Variants in OTUB2 observed in about 807,000 individuals in gnomAD.
OTUB2 encodes OTU deubiquitinase, ubiquitin aldehyde binding 2, also known as ubiquitin thioesterase OTUB2.
Under a neutral mutation model 25.1 loss-of-function variants are expected in OTUB2, and 21 were observed. That is an observed-to-expected ratio of 0.84 (90% CI 0.59 to 1.21). The LOEUF (loss-of-function observed/expected upper bound fraction) is 1.21. Among genes scored for constraint, OTUB2 ranks in the 50% most tolerant of loss-of-function variants. The pLI is 0.00. For missense variants in OTUB2, 283 were observed against 298.0 expected, an observed-to-expected ratio of 0.95 and a Z score of 0.37; for synonymous variants, 122 against 122.8, an observed-to-expected ratio of 0.99 and a Z score of 0.04.
At position 94,031,360 on chromosome 14, in the gene OTUB2, G is replaced by GT. The variant is rs561431880; in HGVS notation, c.3+4821dup. ...CTTCCAGCCCCTGGAGCAGTCCATA[G>GT]TGCTGGGCCCATGGCTGCGGGCTGC... On this transcript the variant is annotated intron_variant, in intron 1 of 5. Coordinates refer to ENST00000203664, the MANE Select transcript of OTUB2 (RefSeq NM_023112.4). 1.1e-3 allele frequency among the ~76,000 whole-genome samples: 173 copies of GT among 152,278 alleles called. 1 individual carries two copies. Among genetic ancestry groups the GT allele is most frequent in the Non-Finnish European group, 2.1e-3 (143 of 68,020 alleles).
intron 4 of OTUB2, 81 bp downstream of exon 4, chr14:94,044,136 G>C: frequency 7.4e-7 from 1 of 1,343,816 alleles, no homozygotes; most frequent in Non-Finnish European, 1.1e-6. Flanking sequence ...ACAGCCCACA[G>C]CTCTGCTCCT....
chr14:94,048,408 G>A lies in OTUB2; in HGVS notation c.*2486G>A, dbSNP rs2141417275. On this transcript the variant is annotated 3_prime_UTR_variant, in exon 6 of 6. Transcript: ENST00000203664. ...GCTTTTGACTGGGTTCCTATTTTAA[G>A]CACAAATGAGAGCTCTGGAGCCAGA... 6.6e-6 allele frequency: 1 copy of A among 152,308 alleles called. No homozygotes were observed. 9.4% of individuals were successfully genotyped at this position (152,308 alleles called of 1,614,324 possible).
intron 1 of OTUB2, among the ~76,000 whole-genome samples, chr14:94,036,004 A>C (rs1428765297): frequency 2.0e-5 from 3 of 152,102 alleles, no homozygotes; most frequent in Non-Finnish European, 2.9e-5. Flanking sequence ...GAAGCAACAA[A>C]AGTCATTTAG....
At chr14:94,041,320 A>G (rs1412791957) in intron 3 of OTUB2, among the ~76,000 whole-genome samples, 1 of 152,114 alleles carries the variant, frequency 6.6e-6, no homozygotes, top group Non-Finnish European at 1.5e-5. Context: ...TCCGGGAGCC[A>G]TAGAGTAGGG....
At chr14:94,030,525 G>A (rs1460467671) in intron 1 of OTUB2, among the ~76,000 whole-genome samples, 1 of 152,010 alleles carries the variant, frequency 6.6e-6, no homozygotes, top group African/African-American at 2.4e-5. Context: ...AGATAAGAGG[G>A]AAGGCCCGGG....
chr14:94,034,588 G>T (rs1411184523), intron 1 of OTUB2, among the ~76,000 whole-genome samples: 2 of 152,250 alleles, frequency 1.3e-5, no homozygotes, highest in Admixed American at 6.5e-5. Context: ...TGAGGATTAA[G>T]TGAGATAATG....
intron 1 of OTUB2, 49 bp downstream of exon 1, chr14:94,026,589 T>TGGGGGGGGGGGGGGGGGGGGGGGGG: frequency 7.4e-6 from 3 of 407,080 alleles, no homozygotes; most frequent in East Asian, 8.8e-5. Flanking sequence ...GGGGGCGCGG[T>TGGGGGGGGGGGGGGGGGGGGGGGGG]GGGCGGGGTC....
In OTUB2 at chr14:94,026,457, G is replaced by T; in HGVS notation, c.-81G>T. 2 of 1,319,978 alleles carry T rather than the reference G, an allele frequency of 1.5e-6. No homozygotes were observed. The highest frequency in any genetic ancestry group is 9.7e-7 in the Non-Finnish European group (1 of 1,032,634). The allele number at this position is 1,319,978 out of a possible 1,614,324, so 81.8% of individuals were successfully genotyped here. ...TCCCCGCCACCGAACCAGCGGCGGA[G>T]CCCGCCCGCGCCTCCCGCGGCATTC... On this transcript the variant is annotated 5_prime_UTR_variant, in exon 1 of 6. Coordinates refer to ENST00000203664, the MANE Select transcript of OTUB2 (RefSeq NM_023112.4).
At chr14:94,028,476 G>C (rs1221596408) in intron 1 of OTUB2, among the ~76,000 whole-genome samples, 1 of 152,224 alleles carries the variant, frequency 6.6e-6, no homozygotes, top group Non-Finnish European at 1.5e-5. Context: ...GGAAGGTAGG[G>C]GTGAGACAAG....
At chr14:94,035,326 G>A (rs554765278) in intron 1 of OTUB2, among the ~76,000 whole-genome samples, 37 of 114,994 alleles carry the variant, frequency 3.2e-4, no homozygotes, top group African/African-American at 1.3e-3. Flanking sequence ...GTCTCGCTCT[G>A]TCACCCAGGC....
At chr14:94,028,636 A>C (rs972702785) in intron 1 of OTUB2, among the ~76,000 whole-genome samples, 3 of 152,364 alleles carry the variant, frequency 2.0e-5, no homozygotes, top group Non-Finnish European at 2.9e-5. Context: ...ACAGGCCCCC[A>C]GTGGGCACCT....
chr14:94,029,635 A>G (rs1884922225), intron 1 of OTUB2, among the ~76,000 whole-genome samples: 1 of 152,252 alleles, frequency 6.6e-6, no homozygotes, highest in Admixed American at 6.5e-5. Context: ...TTTCCAAATA[A>G]GATCCCATTC....
At chr14:94,038,601 G>C (rs1015541435) in intron 2 of OTUB2, among the ~76,000 whole-genome samples, 1 of 118,108 alleles carries the variant, frequency 8.5e-6, no homozygotes. Context: ...ACTTCTGCCA[G>C]CTCCCGATTC....
intron 1 of OTUB2, among the ~76,000 whole-genome samples, chr14:94,029,838 A>G (rs1884927137): frequency 6.6e-6 from 1 of 152,214 alleles, no homozygotes; most frequent in African/African-American, 2.4e-5. Flanking sequence ...GCATGCGGGT[A>G]AACAGGCGAG....
intron 1 of OTUB2, among the ~76,000 whole-genome samples, chr14:94,030,461 C>T (rs779360412): frequency 6.6e-6 from 1 of 151,852 alleles, no homozygotes. Flanking sequence ...AGGTCAGGCC[C>T]GGAGAGGAAG....
At position 94,039,058 on chromosome 14, in the gene OTUB2, G is replaced by T. The variant is rs1567052940; in HGVS notation, c.195G>T (p.Leu65=). The part of the protein sequence containing the change: ...ALGYSYLESL[L]GKSREIFKFK... ...GCTATTCCTACCTGGAGTCCCTGCT[G>T]GGGAAGAGCAGGGAGATCTTCAAGT... Residue 65 remains leucine, a synonymous_variant, in exon 3 of 6, where the codon CTG becomes CTT. Coordinates refer to ENST00000203664, the MANE Select transcript of OTUB2 (RefSeq NM_023112.4). The T allele has an allele frequency of 3.1e-6, 5 of 1,614,070 alleles. No individual in the cohort carries two copies. The highest frequency in any genetic ancestry group is 4.2e-6 in the Non-Finnish European group (5 of 1,179,932).
At chr14:94,033,545 A>G (rs1308783454) in intron 1 of OTUB2, among the ~76,000 whole-genome samples, 1 of 152,240 alleles carries the variant, frequency 6.6e-6, no homozygotes, top group Non-Finnish European at 1.5e-5. Context: ...CAGTCCAAGC[A>G]CAAGCAGTGT....
intron 1 of OTUB2, among the ~76,000 whole-genome samples, chr14:94,036,918 C>G (rs1289530231): frequency 6.6e-6 from 1 of 152,136 alleles, no homozygotes; most frequent in African/African-American, 2.4e-5. Flanking sequence ...TGAGGGAGTG[C>G]TAGACGTCCT....
intron 3 of OTUB2, among the ~76,000 whole-genome samples, chr14:94,042,737 C>A (rs947354274): frequency 1.3e-5 from 2 of 152,298 alleles, no homozygotes; most frequent in African/African-American, 4.8e-5. Flanking sequence ...AGATCCTTGC[C>A]CTGGCCAGGA....
Sources: gnomAD v4.1 joint callset for allele counts (sites outside exome capture counted in the v4.1 genomes callset) on GRCh38, gnomAD v4.1.1 for gene constraint, MANE v1.5 for transcripts, NCBI Gene and HGNC (gene_info 2026-07-23, HGNC 2026-07-21) for gene names.